EMC8: variants seen among roughly 807,000 people sequenced by gnomAD.
EMC8 encodes ER membrane protein complex subunit 8.
A neutral mutation model predicts 24.3 loss-of-function variants in EMC8; 11 were observed. The ratio of observed to expected loss-of-function variants is 0.45; its 90% CI spans 0.28 to 0.75. The LOEUF (loss-of-function observed/expected upper bound fraction) is 0.75, where lower values mean the gene tolerates loss of function less well. Among genes scored for constraint, EMC8 ranks in the 30% least tolerant of loss-of-function variants. EMC8 has a pLI of 0.12. For missense variants in EMC8, 277 were observed against 282.7 expected (o/e 0.98, Z 0.14); for synonymous variants, 145 against 117.7 (o/e 1.23, Z -1.50).
intron 1 of EMC8, among the ~76,000 whole-genome samples, chr16:85,798,124 T>G (rs1905338740): frequency 7.2e-6 from 1 of 139,816 alleles, no homozygotes; most frequent in Non-Finnish European, 1.5e-5. Flanking sequence ...GTTTTTTTTT[T>G]TTTTTTTTTT....
chr16:85,781,170 A>C (rs1485601867), intron 3 of EMC8, 41 bp downstream of exon 3: 7 of 1,465,626 alleles, frequency 4.8e-6, no homozygotes, highest in Non-Finnish European at 3.8e-6. Context: ...TGGTGAGAGG[A>C]GGCGCAAGGG....
chr16:85,791,179 A>G (rs1567831813), intron 1 of EMC8, among the ~76,000 whole-genome samples: 1 of 152,064 alleles, frequency 6.6e-6, no homozygotes, highest in Non-Finnish European at 1.5e-5. Context: ...TTCACCATCC[A>G]TAGAGATTAT....
intron 2 of EMC8, among the ~76,000 whole-genome samples, chr16:85,782,088 G>A (rs998875900): frequency 1.3e-5 from 2 of 152,228 alleles, no homozygotes; most frequent in Admixed American, 6.5e-5. Flanking sequence ...GAAGCCAGTG[G>A]AGAGTCGCCT....
At chr16:85,785,840 G>A (rs1253431416) in intron 2 of EMC8, among the ~76,000 whole-genome samples, 5 of 152,102 alleles carry the variant, frequency 3.3e-5, no homozygotes, top group African/African-American at 9.7e-5. Flanking sequence ...CAGCGTGTAG[G>A]TGCCATCTTA....
chr16:85,799,453 T>G lies in EMC8; in HGVS notation c.-158A>C. On this transcript the variant is annotated 5_prime_UTR_variant, in exon 1 of 5. Coordinates refer to ENST00000253457, the MANE Select transcript of EMC8 (RefSeq NM_006067.5). The surrounding 1 kb of genome is among the most constrained non-coding windows in gnomAD (Gnocchi z 4.2). ...GGGACCCTTCAGGCCCGGCCCCGTTTGGGCCTCGGCTCCTGGAAAAGCGAC... is the reference window on the plus strand; with the variant it reads ...GGGACCCTTCAGGCCCGGCCCCGTTGGGGCCTCGGCTCCTGGAAAAGCGAC... 1 of 405,646 alleles carries G rather than the reference T, an allele frequency of 2.5e-6. No individual in the cohort carries two copies. The highest frequency in any genetic ancestry group is 4.3e-6 in the Non-Finnish European group (1 of 234,646). 25.1% of individuals were successfully genotyped at this position (405,646 alleles called of 1,614,324 possible).
chr16:85,787,675 T>G (rs1477798013), intron 2 of EMC8: 1 of 152,134 alleles, frequency 6.6e-6, no homozygotes, highest in East Asian at 1.9e-4. Flanking sequence ...GCTCGTGGGC[T>G]CAGAGGAAGC....
At position 85,781,241 on chromosome 16, in the gene EMC8, G is replaced by A. The variant is rs377126613; in HGVS notation, c.348C>T (p.Ala116=). Residue 116 remains alanine (A), a synonymous_variant, in exon 3 of 5, where the codon GCC becomes GCT. Coordinates refer to ENST00000253457, the MANE Select transcript of EMC8 (RefSeq NM_006067.5). The part of the protein sequence containing the change: ...QVAEKVASRI[A]EGFSDTALIM... Reference sequence around the variant, plus strand: ...TGAGCGCAGTGTCGCTGAAGCCCTCGGCGATTCTGGAGGCCACCTTCTCTG... The same window carrying A: ...TGAGCGCAGTGTCGCTGAAGCCCTCAGCGATTCTGGAGGCCACCTTCTCTG... 1.4e-5 allele frequency: 22 copies of A among 1,613,670 alleles called. No homozygotes were observed. The highest frequency in any genetic ancestry group is 3.3e-5 in the Admixed American group (2 of 59,994).
chr16:85,794,915 C>T (rs541068602), intron 1 of EMC8, among the ~76,000 whole-genome samples: 7 of 152,188 alleles, frequency 4.6e-5, no homozygotes, highest in African/African-American at 7.2e-5. Flanking sequence ...TGCCCTCTCA[C>T]GCTCAGGTAG....
chr16:85,797,327 G>A (rs145317889), intron 1 of EMC8, among the ~76,000 whole-genome samples: 1 of 152,324 alleles, frequency 6.6e-6, no homozygotes, highest in Non-Finnish European at 1.5e-5. Flanking sequence ...AGAATCACCT[G>A]AATCTGGGAG....
intron 2 of EMC8, among the ~76,000 whole-genome samples, chr16:85,783,095 G>C (rs1904585684): frequency 6.6e-6 from 1 of 152,204 alleles, no homozygotes; most frequent in African/African-American, 2.4e-5. Context: ...ATGAGGTCAG[G>C]AGTTCGAGAC....
chr16:85,796,080 G>A (rs774977059), intron 1 of EMC8, among the ~76,000 whole-genome samples: 2 of 152,058 alleles, frequency 1.3e-5, no homozygotes, highest in African/African-American at 2.4e-5. Flanking sequence ...AGAAGTCACC[G>A]GCACACCACT....
chr16:85,792,779 C>T (rs772386132), intron 1 of EMC8: 9 of 152,180 alleles, frequency 5.9e-5, no homozygotes, highest in African/African-American at 1.2e-4. Flanking sequence ...TAGCTTCCTC[C>T]GAAGCGAGGC....
At chr16:85,780,681 T>C in intron 3 of EMC8, 1 of 581,128 alleles carries the variant, frequency 1.7e-6, no homozygotes, top group Non-Finnish European at 3.1e-6. Context: ...TTCATTGTTT[T>C]TTCACAAAAG....
chr16:85,781,175 C>A (rs369701537), intron 3 of EMC8, 36 bp downstream of exon 3: 2 of 1,545,864 alleles, frequency 1.3e-6, no homozygotes, highest in Non-Finnish European at 1.8e-6. Context: ...AGAGGAGGCG[C>A]AAGGGCCTCC....
At chr16:85,791,727 G>A (rs1305475868) in intron 1 of EMC8, among the ~76,000 whole-genome samples, 1 of 152,100 alleles carries the variant, frequency 6.6e-6, no homozygotes, top group African/African-American at 2.4e-5. Flanking sequence ...GAGGCTGCCC[G>A]CATTCCTTGG....
chr16:85,788,714 C>G (rs571917514), intron 2 of EMC8, among the ~76,000 whole-genome samples: 1 of 152,352 alleles, frequency 6.6e-6, no homozygotes, highest in East Asian at 1.9e-4. Flanking sequence ...CGGAAGCCAA[C>G]TGTCGCTTTC....
intron 2 of EMC8, among the ~76,000 whole-genome samples, chr16:85,786,246 T>C (rs1156394395): frequency 1.3e-5 from 2 of 152,236 alleles, no homozygotes; most frequent in East Asian, 1.9e-4. Flanking sequence ...CCAGGTCTAC[T>C]TGGCTCCAAA....
chr16:85,779,653 G>A lies in EMC8; in HGVS notation c.*55C>T. 2 of 1,553,150 alleles carry A rather than the reference G, an allele frequency of 1.3e-6. No individual in the cohort carries two copies. The highest frequency in any genetic ancestry group is 1.8e-6 in the Non-Finnish European group (2 of 1,127,218). On this transcript the variant is annotated 3_prime_UTR_variant, in exon 5 of 5. Coordinates refer to ENST00000253457, the MANE Select transcript of EMC8 (RefSeq NM_006067.5). The stretch of plus-strand genomic sequence containing the variant: ...ATATTTTATTTACATTTAAAAATAG[G>A]TTTTCTTCTTCAACGTAGTGGAAAG...
At chr16:85,782,021 C>G (rs1344074353) in intron 2 of EMC8, 1 of 152,294 alleles carries the variant, frequency 6.6e-6, no homozygotes, top group Non-Finnish European at 1.5e-5. Context: ...TCATTCCAAC[C>G]AGAAAGCCCT....
Sources: gnomAD v4.1 joint callset for allele counts (sites outside exome capture counted in the v4.1 genomes callset) on GRCh38, gnomAD v4.1.1 for gene constraint, Gnocchi (gnomAD v3.1) non-coding constraint, MANE v1.5 for transcripts, NCBI Gene and HGNC (gene_info 2026-07-23, HGNC 2026-07-21) for gene names.